The following EP300 variants were observed in gnomAD, a reference collection of about 807,000 sequenced individuals.
EP300 encodes EP300 lysine acetyltransferase, also known as histone acetyltransferase p300.
Under a neutral mutation model 264.0 loss-of-function variants are expected in EP300, and 31 were observed. The ratio of observed to expected loss-of-function variants is 0.12; its 90% CI spans 0.09 to 0.16. The LOEUF (loss-of-function observed/expected upper bound fraction) is 0.16. Ranked by LOEUF, EP300 falls within the 10% of genes least tolerant of loss-of-function variation. EP300 has a pLI of 1.00. For synonymous variants in EP300, 1,340 were observed against 1,045.4 expected (o/e 1.28, Z -5.44); for missense variants, 2,766 against 3,052.9 (o/e 0.91, Z 2.21).
intron 8 of EP300, among the ~76,000 whole-genome samples, 184 bp from the exon 9 acceptor site, chr22:41,139,956 G>A (rs747005437): frequency 6.6e-6 from 1 of 152,100 alleles, no homozygotes; most frequent in Non-Finnish European, 1.5e-5. Flanking sequence ...TTCTTATATT[G>A]TGAACGGAAA....
intron 29 of EP300, among the ~76,000 whole-genome samples, chr22:41,175,108 G>A (rs561368591): frequency 2.2e-4 from 33 of 152,312 alleles, no homozygotes; most frequent in Middle Eastern, 3.4e-3. Flanking sequence ...CAAGCAGTAA[G>A]TAATGCCACA....
At chr22:41,130,906 A>G (rs1428684222) in intron 5 of EP300, among the ~76,000 whole-genome samples, 4 of 152,166 alleles carry the variant, frequency 2.6e-5, no homozygotes, top group Non-Finnish European at 5.9e-5. Flanking sequence ...TTAAAGGACA[A>G]ATTTGGGAAG....
chr22:41,145,359 C>T (rs2059004725), intron 10 of EP300, among the ~76,000 whole-genome samples: 1 of 152,188 alleles, frequency 6.6e-6, no homozygotes, highest in Non-Finnish European at 1.5e-5. Flanking sequence ...TTTCCTCTCT[C>T]AGTTTTGCTC....
intron 5 of EP300, 128 bp downstream of exon 5, chr22:41,130,131 CT>C: frequency 2.7e-6 from 2 of 739,484 alleles, no homozygotes; most frequent in Non-Finnish European, 4.5e-6. Flanking sequence ...GTTTTTTTCC[CT>C]TTTAATTTTT....
At chr22:41,114,474 A>G (rs550620109) in intron 1 of EP300, among the ~76,000 whole-genome samples, 45 of 152,308 alleles carry the variant, frequency 3.0e-4, no homozygotes, top group South Asian at 1.2e-3. Context: ...CAAAGTGCTC[A>G]GCCTTGTGGC....
At chr22:41,140,475 A>C (rs1447168769) in intron 9 of EP300, among the ~76,000 whole-genome samples, 1 of 152,038 alleles carries the variant, frequency 6.6e-6, no homozygotes, top group Non-Finnish European at 1.5e-5. Context: ...CAGTGCACTC[A>C]TGTGGCACTT....
chr22:41,125,336 T>A (rs578116395), intron 2 of EP300, among the ~76,000 whole-genome samples: 2 of 151,798 alleles, frequency 1.3e-5, no homozygotes, highest in Non-Finnish European at 1.5e-5. Flanking sequence ...GCCAGGATAG[T>A]CTCTATCTCC....
rs886057557 is a variant in EP300 at position 41,140,163 on chromosome 22, C to T, written c.1784C>T (p.Pro595Leu). The change falls in exon 9 of 31, where the codon CCG (proline) becomes CTG (leucine). Residue 595 changes from proline to leucine, a missense_variant. Pro to Leu is a moderately conservative substitution (Grantham distance 98). Coordinates refer to ENST00000263253, the MANE Select transcript of EP300 (RefSeq NM_001429.4). ...AGCGTCCAAGCCATATTTCCTACGC[C>T]GGATCCTGCTGCTTTAAAAGACAGA... is the stretch of plus-strand genomic sequence containing the variant. ...HKLVQAIFPT[P>L]DPAALKDRRM... The T allele has an allele frequency of 6.2e-7, 1 of 1,613,958 alleles. No individual in the cohort carries two copies. Among genetic ancestry groups the T allele is most frequent in the East Asian group, 2.2e-5 (1 of 44,882 alleles).
chr22:41,149,687 T>C (rs1483128160), intron 13 of EP300, 74 bp from the exon 14 acceptor site: 2 of 1,464,260 alleles, frequency 1.4e-6, no homozygotes, highest in African/African-American at 1.4e-5. Flanking sequence ...CCTAAATTTA[T>C]ATATCATGCC....
At chr22:41,097,974 G>A (rs900674374) in intron 1 of EP300, among the ~76,000 whole-genome samples, 8 of 151,602 alleles carry the variant, frequency 5.3e-5, no homozygotes, top group Admixed American at 1.3e-4. Context: ...GATTACAGGC[G>A]TGAGCCACCG....
At chr22:41,124,126 T>C (rs751466361) in intron 2 of EP300, among the ~76,000 whole-genome samples, 15 of 152,234 alleles carry the variant, frequency 9.9e-5, no homozygotes, top group Non-Finnish European at 1.5e-4. Context: ...CGCACGCCTG[T>C]AGTCCCAGCT....
rs1387313133 is a variant in EP300, at chr22:41,158,573, C to T, written c.3590+73C>T. ...GGGAGTGCATGCGGATGGGCCAGCA[C>T]ACATACAGTCATGGTTCATGTGTAT... On this transcript the variant is annotated intron_variant, in intron 19 of 30. Transcript: ENST00000263253. The T allele has an allele frequency of 4.3e-6, 5 of 1,156,670 alleles. No individual in the cohort carries two copies. The Admixed American group carries it at 7.3e-5, about 17-fold the overall frequency. 71.7% of individuals were successfully genotyped at this position (1,156,670 alleles called of 1,614,324 possible). A position where few individuals can be genotyped will look rare whatever the true frequency, so the allele number is the denominator to read the frequency against.
intron 1 of EP300, among the ~76,000 whole-genome samples, chr22:41,112,124 G>C (rs986449689): frequency 1.3e-5 from 2 of 151,444 alleles, no homozygotes; most frequent in South Asian, 2.1e-4. Flanking sequence ...TCCTGAACTC[G>C]TGATCCGCCC....
chr22:41,171,356 A>C (rs960688204), intron 27 of EP300, among the ~76,000 whole-genome samples: 2 of 151,988 alleles, frequency 1.3e-5, no homozygotes, highest in Non-Finnish European at 2.9e-5. Context: ...TTTTGTTTTC[A>C]GAAAGGGTCA....
At chr22:41,097,216 G>T (rs2058707270) in intron 1 of EP300, among the ~76,000 whole-genome samples, 1 of 152,224 alleles carries the variant, frequency 6.6e-6, no homozygotes, top group Non-Finnish European at 1.5e-5. Flanking sequence ...ACTTCAAGAA[G>T]GTTGTCTCTG....
chr22:41,113,491 C>T (rs957663018), intron 1 of EP300, among the ~76,000 whole-genome samples: 2 of 152,034 alleles, frequency 1.3e-5, no homozygotes, highest in Non-Finnish European at 2.9e-5. Context: ...ATACTTAATT[C>T]ATTATTAGCA....
chr22:41,113,713 A>G (rs544208376), intron 1 of EP300, among the ~76,000 whole-genome samples: 2 of 152,002 alleles, frequency 1.3e-5, no homozygotes, highest in East Asian at 3.9e-4. Context: ...CGCCCTGCTA[A>G]TTTTTTGTAT....
chr22:41,166,444 G>A (rs1164891829), intron 22 of EP300, among the ~76,000 whole-genome samples, 155 bp from the exon 23 acceptor site: 1 of 151,880 alleles, frequency 6.6e-6, no homozygotes, highest in Non-Finnish European at 1.5e-5. Context: ...TATTCTTACT[G>A]ATTTCTAAAA....
chr22:41,123,995 C>T (rs749889367), intron 2 of EP300, among the ~76,000 whole-genome samples: 44 of 152,220 alleles, frequency 2.9e-4, no homozygotes, highest in Non-Finnish European at 4.9e-4. Context: ...CGCCTGTAAT[C>T]CCAGCACTTT....
Sources: gnomAD v4.1 joint callset for allele counts (sites outside exome capture counted in the v4.1 genomes callset) on GRCh38, gnomAD v4.1.1 for gene constraint, MANE v1.5 for transcripts, NCBI Gene and HGNC (gene_info 2026-07-23, HGNC 2026-07-21) for gene names.